ASXL1: variants seen among roughly 807,000 people sequenced by gnomAD.
ASXL1 encodes ASXL transcriptional regulator 1, also known as polycomb group protein ASXL1.
A neutral mutation model predicts 89.1 loss-of-function variants in ASXL1; 65 were observed. The observed-to-expected ratio is 0.73, with a 90% CI of 0.60 to 0.90. ASXL1 has a LOEUF of 0.90. Among genes scored for constraint, ASXL1 ranks in the 40% least tolerant of loss-of-function variants. The pLI is 0.00. For missense variants in ASXL1, 1,786 were observed against 1,942.9 expected, an observed-to-expected ratio of 0.92 and a Z score of 1.52; for synonymous variants, 739 against 746.9, an observed-to-expected ratio of 0.99 and a Z score of 0.17.
At chr20:32,399,081 G>A (rs963088645) in intron 4 of ASXL1, among the ~76,000 whole-genome samples, 2 of 151,920 alleles carry the variant, frequency 1.3e-5, no homozygotes, top group Non-Finnish European at 2.9e-5. Context: ...ATGGTGGCGG[G>A]TACCTTGTAA....
chr20:32,361,562 T>C (rs6141293), intron 1 of ASXL1, among the ~76,000 whole-genome samples: 51,512 of 140,240 alleles, frequency 0.37, 10,073 homozygotes, highest in East Asian at 0.74. Context: ...CACTTGAACT[T>C]GGGAGGTGGA....
Position 32,429,327 on chromosome 20 carries a change from T to G in ASXL1, c.472-11T>G, listed in dbSNP as rs1196934212. The G allele has an allele frequency of 1.9e-6, 3 of 1,613,734 alleles. No individual in the cohort carries two copies. In the Admixed American group the frequency reaches 5.0e-5, roughly 27 times the overall value. ...GACTTGGGCTCTCTTTTGTTCTCTC[T>G]TGGAACGCAGGCGAACAAACAAAAG... On this transcript the variant is annotated splice_polypyrimidine_tract_variant and intron_variant, in intron 6 of 12. Transcript: ENST00000375687. This position sits in a 1 kb window ranked among gnomAD's most constrained non-coding sequence, Gnocchi z 4.9.
intron 4 of ASXL1, among the ~76,000 whole-genome samples, chr20:32,377,163 AT>A (rs1371098020): frequency 7.0e-6 from 1 of 143,334 alleles, no homozygotes; most frequent in Non-Finnish European, 1.5e-5. Context: ...ATATCTATAA[AT>A]ATATTATATA....
At chr20:32,423,705 A>G (rs972240235) in intron 4 of ASXL1, among the ~76,000 whole-genome samples, 1 of 151,860 alleles carries the variant, frequency 6.6e-6, no homozygotes, top group Non-Finnish European at 1.5e-5. Flanking sequence ...CATGTACACC[A>G]CACCCAACTA....
chr20:32,408,831 C>T (rs752565858), intron 4 of ASXL1, among the ~76,000 whole-genome samples: 1 of 152,016 alleles, frequency 6.6e-6, no homozygotes, highest in Non-Finnish European at 1.5e-5. Context: ...AACTTCTCAA[C>T]AGCATTTTTT....
chr20:32,428,037 C>T (rs2011380783), intron 4 of ASXL1, 91 bp from the exon 5 acceptor site: 1 of 1,573,758 alleles, frequency 6.4e-7, no homozygotes, highest in Non-Finnish European at 8.7e-7. Flanking sequence ...CTAAATCCCT[C>T]TTTTTCAAAA....
Position 32,428,316 on chromosome 20 carries a change from C to CT in ASXL1, c.374-8dup. 6.2e-7 allele frequency: 1 copy of CT among 1,614,152 alleles called. No homozygotes were observed. Among genetic ancestry groups the CT allele is most frequent in the Non-Finnish European group, 8.5e-7 (1 of 1,180,002 alleles). On this transcript the variant is annotated splice_polypyrimidine_tract_variant and intron_variant, in intron 5 of 12. Coordinates refer to ENST00000375687, the MANE Select transcript of ASXL1 (RefSeq NM_015338.6). ...ACTAGGGACTAACCTTTATTTTCCT[C>CT]TCTTCCAGTATCTCTTGATGAAACA...
chr20:32,423,945 A>G (rs1452294783), intron 4 of ASXL1, among the ~76,000 whole-genome samples: 1 of 152,146 alleles, frequency 6.6e-6, no homozygotes, highest in Non-Finnish European at 1.5e-5. Flanking sequence ...TTACTCTTAA[A>G]AGTTTTGTTT....
Position 32,439,049 on chromosome 20 carries a change from G to C in ASXL1, c.*1711G>C, listed in dbSNP as rs534296835. The C allele has an allele frequency of 1.3e-5, 3 of 233,232 alleles. No individual in the cohort carries two copies. Among genetic ancestry groups the C allele is most frequent in the African/African-American group, 6.6e-5 (3 of 45,266 alleles). The allele number at this position is 233,232 out of a possible 1,614,324, so 14.4% of individuals were successfully genotyped here. ...TCATTTAATCTGATGTGGCATTTTCGTCATCTGAAGCATGAGTGACAAGTT... is the reference window on the plus strand; with the variant it reads ...TCATTTAATCTGATGTGGCATTTTCCTCATCTGAAGCATGAGTGACAAGTT... On this transcript the variant is annotated 3_prime_UTR_variant, in exon 13 of 13. Coordinates refer to ENST00000375687, the MANE Select transcript of ASXL1 (RefSeq NM_015338.6).
At chr20:32,403,456 C>T (rs1258769632) in intron 4 of ASXL1, among the ~76,000 whole-genome samples, 1 of 151,972 alleles carries the variant, frequency 6.6e-6, no homozygotes, top group East Asian at 1.9e-4. Context: ...AGTGTTTTGC[C>T]CGGGCTGGGG....
intron 1 of ASXL1, among the ~76,000 whole-genome samples, chr20:32,364,381 AGTTTTTTGTATTTTTTTGT>A (rs1569236540): frequency 6.6e-6 from 1 of 151,752 alleles, no homozygotes; most frequent in African/African-American, 2.4e-5. Context: ...ATGCCCATCT[AGTTTTTTGTATTTTTTTGT>A]AGAGACAGGG....
intron 4 of ASXL1, among the ~76,000 whole-genome samples, chr20:32,371,229 CT>C (rs1326540926): frequency 6.6e-6 from 1 of 152,082 alleles, no homozygotes; most frequent in East Asian, 1.9e-4. Flanking sequence ...AAATGATAGC[CT>C]TTATGATGAT....
chr20:32,397,119 AC>A (rs2123028143), intron 4 of ASXL1, among the ~76,000 whole-genome samples: 1 of 141,298 alleles, frequency 7.1e-6, no homozygotes, highest in African/African-American at 2.6e-5. Context: ...ATCTCGGCTC[AC>A]TGCAACCTCC....
Position 32,428,173 on chromosome 20 carries a change from G to C in ASXL1, c.298G>C (p.Glu100Gln). 1 of 1,614,106 alleles carries C rather than the reference G, an allele frequency of 6.2e-7. No individual in the cohort carries two copies. The highest frequency in any genetic ancestry group is 8.5e-7 in the Non-Finnish European group (1 of 1,180,036). Residue 100 changes from glutamate (E) to glutamine (Q), a missense_variant, in exon 5 of 13, where the codon GAG becomes CAG. Glu to Gln is a conservative substitution (Grantham distance 29, BLOSUM62 2). Around this residue, in one of 3 missense-constraint regions of ASXL1, gnomAD observed 332 missense variants for 449.7 expected, o/e 0.74. Transcript: ENST00000375687. ...WSRHPATVEG[E>Q]EPEDTADVES... is the part of the protein sequence containing the mutation. ...TCGCCATCCAGCTACAGTGGAGGGA[G>C]AGGAGCCAGAGGACACGGCTGATGT... is the stretch of plus-strand genomic sequence containing the variant.
intron 4 of ASXL1, among the ~76,000 whole-genome samples, chr20:32,384,596 G>T (rs1038670776): frequency 6.6e-6 from 1 of 152,168 alleles, no homozygotes; most frequent in Non-Finnish European, 1.5e-5. Flanking sequence ...CAAAAGAAGG[G>T]GTATTCCGTT....
intron 4 of ASXL1, chr20:32,371,707 G>A: frequency 4.8e-6 from 2 of 418,912 alleles, no homozygotes; most frequent in South Asian, 1.7e-5. Flanking sequence ...CTGGGCTCAA[G>A]CAGTAGTCCC....
In ASXL1 at chr20:32,436,283, A is replaced by T. The variant is rs767340580; in HGVS notation, c.3571A>T (p.Ile1191Phe). Residue 1191 changes from isoleucine to phenylalanine, a missense_variant, in exon 13 of 13, where the codon ATT becomes TTT. Transcript: ENST00000375687. ...TGAAACAGGCACTGGTCTTGCCAGG[A>T]TTGAGGCCACCCAGGCTCCTGGAGC... Reference protein sequence around the residue: ...SCETGTGLARIEATQAPGAPQ... With the variant: ...SCETGTGLARFEATQAPGAPQ... 2.5e-6 allele frequency: 4 copies of T among 1,614,224 alleles called. No individual in the cohort carries two copies. The highest frequency in any genetic ancestry group is 2.2e-5 in the South Asian group (2 of 91,088).
chr20:32,374,756 A>G (rs1341889788), intron 4 of ASXL1, among the ~76,000 whole-genome samples: 1 of 152,234 alleles, frequency 6.6e-6, no homozygotes, highest in Admixed American at 6.5e-5. Flanking sequence ...GAGAAAGGAT[A>G]TCAAAGATCT....
At chr20:32,404,071 GT>G (rs1220869793) in intron 4 of ASXL1, among the ~76,000 whole-genome samples, 2 of 151,992 alleles carry the variant, frequency 1.3e-5, no homozygotes, top group Non-Finnish European at 2.9e-5. Flanking sequence ...ACAAATTATA[GT>G]TAACTACAGT....
Sources: allele counts gnomAD v4.1 joint callset (sites outside exome capture counted in the v4.1 genomes callset), GRCh38; gene constraint gnomAD v4.1.1; regional missense constraint gnomAD v4.1.1; non-coding constraint Gnocchi (gnomAD v3.1); transcripts MANE v1.5; gene names NCBI Gene and HGNC (gene_info 2026-07-23, HGNC 2026-07-21).